Variants in ZZZ3 observed in about 807,000 individuals in gnomAD.
ZZZ3 encodes ZZ-type zinc finger-containing protein 3.
Under a neutral mutation model 95.2 loss-of-function variants are expected in ZZZ3, and 22 were observed. The observed-to-expected ratio is 0.23, with a 90% CI of 0.17 to 0.33. ZZZ3 has a LOEUF of 0.33. Among genes scored for constraint, ZZZ3 ranks in the 10% least tolerant of loss-of-function variants. The probability of loss-of-function intolerance (pLI) is 1.00; values close to 1 mark genes in which losing one functional copy is unlikely to be tolerated. For synonymous variants in ZZZ3, 335 were observed against 358.9 expected (o/e 0.93, Z 0.75); for missense variants, 885 against 1,066.5 (o/e 0.83, Z 2.37).
In ZZZ3 at chr1:77,591,150, C is replaced by T. The variant is rs368749233; in HGVS notation, c.1506-6495G>A. On this transcript the variant is annotated intron_variant, in intron 5 of 14. Coordinates refer to ENST00000370801, the MANE Select transcript of ZZZ3 (RefSeq NM_015534.6). ...AACCAGAGGACATAAGGTGACGTAACGATAAATATATGTTATGCAGCACGC... is the reference window on the plus strand; with the variant it reads ...AACCAGAGGACATAAGGTGACGTAATGATAAATATATGTTATGCAGCACGC... 9.6e-4 allele frequency among the ~76,000 whole-genome samples: 86 copies of T among 89,682 alleles called. 2 individuals carry two copies. In the South Asian group the frequency reaches 0.024, roughly 25 times the overall value. 58.8% of individuals were successfully genotyped at this position (89,682 alleles called of 152,430 possible).
chr1:77,590,509 A>G (rs1180843022), intron 5 of ZZZ3, among the ~76,000 whole-genome samples: 1 of 152,264 alleles, frequency 6.6e-6, no homozygotes, highest in Non-Finnish European at 1.5e-5. Context: ...GAGGAGCTGC[A>G]ATAGAACCAC....
chr1:77,649,261 C>T (rs1669580042), intron 1 of ZZZ3, among the ~76,000 whole-genome samples: 1 of 151,666 alleles, frequency 6.6e-6, no homozygotes, highest in South Asian at 2.1e-4. Flanking sequence ...AGAAAAACAA[C>T]ACATTACAGG....
chr1:77,566,861 T>C (rs1301718662), intron 13 of ZZZ3, among the ~76,000 whole-genome samples: 1 of 152,256 alleles, frequency 6.6e-6, no homozygotes, highest in African/African-American at 2.4e-5. Context: ...TCAAAGGATC[T>C]ATCATTTCTA....
intron 13 of ZZZ3, 26 bp downstream of exon 13, chr1:77,568,302 AAATG>A: frequency 7.1e-7 from 1 of 1,402,486 alleles, no homozygotes. Context: ...AAATAAAATG[AAATG>A]AATCCTAAAA....
At chr1:77,668,157 C>T (rs1671419433) in intron 1 of ZZZ3, among the ~76,000 whole-genome samples, 1 of 152,050 alleles carries the variant, frequency 6.6e-6, no homozygotes, top group Non-Finnish European at 1.5e-5. Context: ...TTTTTCTTCC[C>T]CAATGGAATT....
Position 77,566,098 on chromosome 1 carries a change from A to C in ZZZ3, c.2550T>G (p.Cys850Trp). 1.2e-6 allele frequency: 2 copies of C among 1,612,898 alleles called. No homozygotes were observed. The highest frequency in any genetic ancestry group is 1.7e-6 in the Non-Finnish European group (2 of 1,179,308). ...ACACTTACCAGTCTGAACAAGAATC[A>C]CAGAAATCCAAAGACATTTCTGGAG... ...DCPPEMSLDF[C>W]DSCSDCLHET... Residue 850 changes from cysteine to tryptophan, a missense_variant, in exon 14 of 15, where the codon TGT (cysteine) becomes TGG (tryptophan). Cys to Trp is a radical substitution (Grantham distance 215). Around this residue, in one of 5 missense-constraint regions of ZZZ3, gnomAD observed 221 missense variants for 247.8 expected, o/e 0.89. Coordinates refer to ENST00000370801, the MANE Select transcript of ZZZ3 (RefSeq NM_015534.6).
intron 1 of ZZZ3, among the ~76,000 whole-genome samples, chr1:77,680,243 C>G (rs1672632178): frequency 6.6e-6 from 1 of 152,072 alleles, no homozygotes; most frequent in Non-Finnish European, 1.5e-5. Context: ...GTGAATAGAC[C>G]CAGAACTATC....
chr1:77,626,693 AG>A (rs1667368664), intron 5 of ZZZ3, among the ~76,000 whole-genome samples: 1 of 152,188 alleles, frequency 6.6e-6, no homozygotes, highest in African/African-American at 2.4e-5. Context: ...GCCAGACCAG[AG>A]GGGTAAATCC....
chr1:77,613,532 T>C (rs1393675179), intron 5 of ZZZ3, among the ~76,000 whole-genome samples: 1 of 151,898 alleles, frequency 6.6e-6, no homozygotes, highest in African/African-American at 2.4e-5. Flanking sequence ...TTTCTTGGTA[T>C]ATGTTTATAT....
intron 1 of ZZZ3, among the ~76,000 whole-genome samples, chr1:77,659,368 T>TA (rs1206405665): frequency 1.3e-5 from 2 of 151,812 alleles, no homozygotes; most frequent in South Asian, 4.2e-4. Flanking sequence ...TTTTTAAATT[T>TA]AAAAAACCAG....
At chr1:77,580,961 T>G (rs746431016) in intron 9 of ZZZ3, 37 bp downstream of exon 9, 10 of 1,567,604 alleles carry the variant, frequency 6.4e-6, no homozygotes, top group African/African-American at 1.4e-5. Context: ...TGTTTACTTG[T>G]TTTTTTAAGC....
At chr1:77,639,780 T>C (rs759016447) in intron 3 of ZZZ3, among the ~76,000 whole-genome samples, 178 bp from the exon 4 acceptor site, 21 of 152,096 alleles carry the variant, frequency 1.4e-4, no homozygotes, top group Non-Finnish European at 2.2e-4. Context: ...ATAGGATTTT[T>C]AGAAATCAAC....
At chr1:77,621,212 GC>G (rs1666819559) in intron 5 of ZZZ3, among the ~76,000 whole-genome samples, 1 of 151,954 alleles carries the variant, frequency 6.6e-6, no homozygotes, top group Admixed American at 6.6e-5. Context: ...AACACTACTG[GC>G]CAGGCACAGT....
At chr1:77,654,086 G>A (rs1448690905) in intron 1 of ZZZ3, among the ~76,000 whole-genome samples, 1 of 151,366 alleles carries the variant, frequency 6.6e-6, no homozygotes, top group Non-Finnish European at 1.5e-5. Flanking sequence ...TACTTGGGAG[G>A]CTGAGGCAGG....
At chr1:77,668,165 AT>A (rs550726588) in intron 1 of ZZZ3, among the ~76,000 whole-genome samples, 2 of 151,992 alleles carry the variant, frequency 1.3e-5, no homozygotes, top group East Asian at 1.9e-4. Flanking sequence ...CCCCAATGGA[AT>A]TTTTTTTGTA....
chr1:77,616,464 C>T (rs1216946171), intron 5 of ZZZ3, among the ~76,000 whole-genome samples: 1 of 152,216 alleles, frequency 6.6e-6, no homozygotes, highest in African/African-American at 2.4e-5. Flanking sequence ...TGTTTAAAAA[C>T]TTCCCCTAAA....
At chr1:77,636,444 G>A (rs1192520783) in intron 4 of ZZZ3, among the ~76,000 whole-genome samples, 1 of 152,002 alleles carries the variant, frequency 6.6e-6, no homozygotes, top group Non-Finnish European at 1.5e-5. Context: ...TGGTCATGGT[G>A]GCTCAGGCCT....
intron 1 of ZZZ3, among the ~76,000 whole-genome samples, chr1:77,665,436 A>G (rs1443276902): frequency 6.6e-6 from 1 of 152,222 alleles, no homozygotes; most frequent in African/African-American, 2.4e-5. Context: ...GTGACTGCCC[A>G]ACGTCCATGA....
At chr1:77,566,965 G>A (rs1660890087) in intron 13 of ZZZ3, among the ~76,000 whole-genome samples, 1 of 152,192 alleles carries the variant, frequency 6.6e-6, no homozygotes, top group Non-Finnish European at 1.5e-5. Flanking sequence ...AGTGAAGCAA[G>A]TTTTTCTGAA....
Sources: allele counts gnomAD v4.1 joint callset (sites outside exome capture counted in the v4.1 genomes callset), GRCh38; gene constraint gnomAD v4.1.1; regional missense constraint gnomAD v4.1.1; transcripts MANE v1.5; gene names NCBI Gene and HGNC (gene_info 2026-07-23, HGNC 2026-07-21).